Variants in BAAT observed in about 807,000 individuals in gnomAD.
BAAT encodes bile acid CoA: amino acid N-acyltransferase (glycine N-choloyltransferase).
In BAAT, 13 loss-of-function variants were observed where a neutral mutation model predicts 18.9. The ratio of observed to expected loss-of-function variants is 0.69; its 90% confidence interval spans 0.45 to 1.10. The LOEUF (loss-of-function observed/expected upper bound fraction) is 1.10. Ranked by LOEUF, BAAT falls within the 50% of genes least tolerant of loss-of-function variation. The probability of loss-of-function intolerance (pLI) is 0.00; values close to 1 mark genes in which losing one functional copy is unlikely to be tolerated. For missense variants in BAAT, 489 were observed against 504.0 expected, an observed-to-expected ratio of 0.97 and a Z score of 0.28; for synonymous variants, 170 against 190.7, an observed-to-expected ratio of 0.89 and a Z score of 0.89.
At position 101,382,530 on chromosome 9, in the gene BAAT, C is replaced by T. The variant is rs541757279; in HGVS notation, c.-60+2325G>A. On this transcript the variant is annotated intron_variant, in intron 1 of 3. Coordinates refer to ENST00000259407, the MANE Select transcript of BAAT (RefSeq NM_001701.4). ...ATAAAATCCTAGGTTCAAGGATGAA[C>T]GAGGCACTTGACCTCCAAGATGCCT... Among the ~76,000 whole-genome samples, 301 of 152,260 alleles carry T rather than the reference C, an allele frequency of 2.0e-3. 1 individual carries two copies. The highest frequency in any genetic ancestry group is 6.8e-3 in the African/African-American group (282 of 41,544).
In BAAT at chr9:101,362,132, CT is replaced by C; in HGVS notation, c.*295del. 2 of 474,218 alleles carry C rather than the reference CT, an allele frequency of 4.2e-6. No individual in the cohort carries two copies. The allele number at this position is 474,218 out of a possible 1,614,324, so 29.4% of individuals were successfully genotyped here. On this transcript the variant is annotated 3_prime_UTR_variant, in exon 4 of 4. Transcript: ENST00000259407. ...TTGGTGCTATTCTTGTTTGCCTTTT[CT>C]TATTTTTGCCAGTGTACTATACCTC...
At chr9:101,364,415 CCTT>C (rs766348735) in intron 3 of BAAT, among the ~76,000 whole-genome samples, 1 of 152,178 alleles carries the variant, frequency 6.6e-6, no homozygotes, top group African/African-American at 2.4e-5. Context: ...AATCTAATCT[CCTT>C]GATTGAAAAC....
Position 101,371,122 on chromosome 9 carries a change from C to G in BAAT, c.283G>C (p.Asp95His). 2.5e-6 allele frequency: 4 copies of G among 1,614,112 alleles called. No individual in the cohort carries two copies. The highest frequency in any genetic ancestry group is 3.4e-6 in the Non-Finnish European group (4 of 1,180,014). The change falls in exon 2 of 4, where the codon GAT becomes CAT. Residue 95 changes from aspartate to histidine, a missense_variant. Transcript: ENST00000259407. ...EKLLTRLLKR[D>H]VMNRPFQVQV... ...ACCTGGAAAGGCCTATTCATCACAT[C>G]TCTTTTCAACAGTCTTGTTAATAGC... is the stretch of plus-strand genomic sequence containing the variant.
At chr9:101,365,140 T>A (rs1829805024) in intron 3 of BAAT, among the ~76,000 whole-genome samples, 1 of 152,208 alleles carries the variant, frequency 6.6e-6, no homozygotes, top group African/African-American at 2.4e-5. Flanking sequence ...AATTGTTGTG[T>A]CACAAAATAA....
chr9:101,363,051 C>T lies in BAAT; in HGVS notation c.670-36G>A, dbSNP rs763505384. The T allele has an allele frequency of 3.2e-6, 5 of 1,584,012 alleles. No homozygotes were observed. The African/African-American group carries it at 6.7e-5, about 21-fold the overall frequency. On this transcript the variant is annotated intron_variant, in intron 3 of 3. Transcript: ENST00000259407. ...TAATAGAAATGAGAAATTATTCTAG[C>T]CTTCATTTAGGAAAACTCCACAATC... is the stretch of plus-strand genomic sequence containing the variant.
At chr9:101,374,603 A>G (rs1235454677) in intron 1 of BAAT, among the ~76,000 whole-genome samples, 1 of 152,170 alleles carries the variant, frequency 6.6e-6, no homozygotes, top group African/African-American at 2.4e-5. Context: ...ACCTACCCAT[A>G]TTTCAGAAGG....
At chr9:101,384,175 T>C (rs146069287) in intron 1 of BAAT, among the ~76,000 whole-genome samples, 87 of 152,274 alleles carry the variant, frequency 5.7e-4, no homozygotes, top group East Asian at 2.1e-3. Context: ...AAATACTCCA[T>C]AAAAAACTTG....
At chr9:101,365,932 G>A (rs952968482) in intron 3 of BAAT, among the ~76,000 whole-genome samples, 2 of 152,144 alleles carry the variant, frequency 1.3e-5, no homozygotes, top group African/African-American at 4.8e-5. Flanking sequence ...AACAAATCAG[G>A]CTGATTAACA....
intron 1 of BAAT, chr9:101,375,937 A>C (rs1267432737): frequency 6.6e-6 from 1 of 152,554 alleles, no homozygotes; most frequent in African/African-American, 2.4e-5. Flanking sequence ...TCTTTAGCTG[A>C]ACTAAAAAGA....
intron 3 of BAAT, among the ~76,000 whole-genome samples, chr9:101,363,709 C>T (rs1242593173): frequency 1.3e-5 from 2 of 151,346 alleles, no homozygotes; most frequent in East Asian, 1.9e-4. Flanking sequence ...TGTATGTAGG[C>T]TAGACTGCCA....
intron 1 of BAAT, among the ~76,000 whole-genome samples, chr9:101,378,775 C>T (rs1055736234): frequency 6.6e-5 from 10 of 152,130 alleles, no homozygotes; most frequent in African/African-American, 2.2e-4. Flanking sequence ...AAGAAACTAT[C>T]ATCAGAGTGA....
intron 1 of BAAT, among the ~76,000 whole-genome samples, chr9:101,380,411 T>C (rs1033875001): frequency 6.6e-6 from 1 of 152,148 alleles, no homozygotes; most frequent in Non-Finnish European, 1.5e-5. Context: ...TAAATGTTTC[T>C]CTCTGAGAAA....
At chr9:101,380,813 G>GT (rs1830120552) in intron 1 of BAAT, among the ~76,000 whole-genome samples, 1 of 152,088 alleles carries the variant, frequency 6.6e-6, no homozygotes, top group African/African-American at 2.4e-5. Flanking sequence ...GAGTGCAGTG[G>GT]TGCAATCTTG....
At chr9:101,371,508 A>C in intron 1 of BAAT, 45 bp from the exon 2 acceptor site, 3 of 1,175,438 alleles carry the variant, frequency 2.6e-6, no homozygotes, top group Non-Finnish European at 3.7e-6. Context: ...AGTAGAGATA[A>C]GGGTTGATGA....
At chr9:101,369,865 T>C (rs1829899916) in intron 2 of BAAT, among the ~76,000 whole-genome samples, 1 of 152,172 alleles carries the variant, frequency 6.6e-6, no homozygotes, top group Non-Finnish European at 1.5e-5. Context: ...CCAAAACATG[T>C]TTAAACCACT....
At chr9:101,368,087 G>A (rs1225356020) in intron 3 of BAAT, 33 bp downstream of exon 3, 2 of 1,589,078 alleles carry the variant, frequency 1.3e-6, no homozygotes, top group East Asian at 2.2e-5. Context: ...AAAAACCCCA[G>A]GGACTCAAAC....
Position 101,360,454 on chromosome 9 carries a change from C to G in BAAT, c.*1974G>C, listed in dbSNP as rs1404276350. ...AAAAGAGATTTAATTGGATCATGGT[C>G]CTGCAGGCTTTACAGAAGCATAATG... On this transcript the variant is annotated 3_prime_UTR_variant, in exon 4 of 4. Coordinates refer to ENST00000259407, the MANE Select transcript of BAAT (RefSeq NM_001701.4). 1 of 152,756 alleles carries G rather than the reference C, an allele frequency of 6.5e-6. No individual in the cohort carries two copies. Among genetic ancestry groups the G allele is most frequent in the Non-Finnish European group, 1.5e-5 (1 of 68,030 alleles). 9.5% of individuals were successfully genotyped at this position (152,756 alleles called of 1,614,324 possible). A position where few individuals can be genotyped will look rare whatever the true frequency, so the allele number is the denominator to read the frequency against.
In BAAT at chr9:101,371,451, A is replaced by T. The variant is rs1829944088; in HGVS notation, c.-47T>A. 1 of 1,496,200 alleles carries T rather than the reference A, an allele frequency of 6.7e-7. No individual in the cohort carries two copies. Among genetic ancestry groups the T allele is most frequent in the East Asian group, 2.3e-5 (1 of 43,822 alleles). 92.7% of individuals were successfully genotyped at this position (1,496,200 alleles called of 1,614,324 possible). A position where few individuals can be genotyped will look rare whatever the true frequency, so the allele number is the denominator to read the frequency against. On this transcript the variant is annotated 5_prime_UTR_variant, in exon 2 of 4. Transcript: ENST00000259407. ...ATGATTCTTCAGGAATATCTTCAGC[A>T]AAACCTCAAAACCTCAAAAAAGAAA...
At chr9:101,374,898 A>G (rs1830013457) in intron 1 of BAAT, among the ~76,000 whole-genome samples, 3 of 152,072 alleles carry the variant, frequency 2.0e-5, no homozygotes, top group Non-Finnish European at 2.9e-5. Context: ...TTTGAAGCAT[A>G]GTTTCTTGAA....
Sources: gnomAD v4.1 joint callset for allele counts (sites outside exome capture counted in the v4.1 genomes callset) on GRCh38, gnomAD v4.1.1 for gene constraint, MANE v1.5 for transcripts, NCBI Gene and HGNC (gene_info 2026-07-23, HGNC 2026-07-21) for gene names.